FAM222A: variants seen among roughly 807,000 people sequenced by gnomAD.
FAM222A encodes family with sequence similarity 222 member A, also known as protein FAM222A.
Under a neutral mutation model 25.8 loss-of-function variants are expected in FAM222A, and 7 were observed. That is an observed-to-expected ratio of 0.27 (90% confidence interval 0.15 to 0.51). The LOEUF is 0.51. Ranked by LOEUF, FAM222A falls within the 20% of genes least tolerant of loss-of-function variation. FAM222A has a pLI of 0.97. For synonymous variants in FAM222A, 294 were observed against 298.8 expected, an observed-to-expected ratio of 0.98 and a Z score of 0.17; for missense variants, 573 against 640.5, an observed-to-expected ratio of 0.89 and a Z score of 1.14.
At position 109,714,260 on chromosome 12, in the gene FAM222A, C is replaced by T; in HGVS notation, c.-684C>T. The T allele has an allele frequency of 5.3e-6, 1 of 187,432 alleles. No individual in the cohort carries two copies. Among genetic ancestry groups the T allele is most frequent in the Non-Finnish European group, 1.1e-5 (1 of 91,518 alleles). The allele number at this position is 187,432 out of a possible 1,614,324, so 11.6% of individuals were successfully genotyped here. On this transcript the variant is annotated 5_prime_UTR_variant, in exon 1 of 3. Coordinates refer to ENST00000538780, the MANE Select transcript of FAM222A (RefSeq NM_032829.3). This position sits in a 1 kb window ranked among gnomAD's most constrained non-coding sequence, Gnocchi z 4.2. The stretch of plus-strand genomic sequence containing the variant: ...CGCCGGCTTCCCCTCCCCCCACACC[C>T]GGGGCTCAGAGCAGGAGGAGGAGGG...
At chr12:109,761,124 GT>G (rs1888880053) in intron 2 of FAM222A, among the ~76,000 whole-genome samples, 1 of 152,188 alleles carries the variant, frequency 6.6e-6, no homozygotes, top group Non-Finnish European at 1.5e-5. Context: ...GAGAGGGACA[GT>G]GGTGTGCCTC....
At chr12:109,725,477 G>A (rs892051786) in intron 1 of FAM222A, among the ~76,000 whole-genome samples, 2 of 139,608 alleles carry the variant, frequency 1.4e-5, no homozygotes, top group African/African-American at 2.7e-5. Context: ...TTCCCTATGC[G>A]CCTTACCAAC....
intron 2 of FAM222A, among the ~76,000 whole-genome samples, chr12:109,765,631 C>T (rs907327968): frequency 2.0e-5 from 3 of 152,218 alleles, no homozygotes; most frequent in African/African-American, 7.2e-5. Context: ...ACCCCCATGT[C>T]CCGCCACCGC....
intron 1 of FAM222A, among the ~76,000 whole-genome samples, chr12:109,726,119 TAAAAAAAAAAAA>T (rs11464580): frequency 1.8e-5 from 2 of 110,384 alleles, no homozygotes; most frequent in Non-Finnish European, 3.6e-5. Context: ...AAAAAATTGC[TAAAAAAAAAAAA>T]AAAAAAAAAA....
At chr12:109,741,110 G>A (rs1341583381) in intron 1 of FAM222A, among the ~76,000 whole-genome samples, 1 of 152,180 alleles carries the variant, frequency 6.6e-6, no homozygotes, top group African/African-American at 2.4e-5. Context: ...TGACCGTCTT[G>A]GTTGCAGATG....
intron 1 of FAM222A, among the ~76,000 whole-genome samples, chr12:109,736,362 TG>T (rs1411887002): frequency 6.6e-6 from 1 of 152,240 alleles, no homozygotes. Flanking sequence ...ACAAGGACCC[TG>T]GCACTTTGTT....
chr12:109,725,789 C>T (rs919024548), intron 1 of FAM222A, among the ~76,000 whole-genome samples: 5 of 151,980 alleles, frequency 3.3e-5, no homozygotes, highest in African/African-American at 1.2e-4. Context: ...GGAAAAAAGC[C>T]GGCCCGGAAT....
chr12:109,725,188 C>T (rs1887816698), intron 1 of FAM222A, among the ~76,000 whole-genome samples: 1 of 152,176 alleles, frequency 6.6e-6, no homozygotes, highest in Admixed American at 6.5e-5. Flanking sequence ...GGTTACACAG[C>T]AAGAAAATAG....
In FAM222A at chr12:109,768,111, A is replaced by G. The variant is rs1196030795; in HGVS notation, c.182A>G (p.Lys61Arg). 5 of 1,614,028 alleles carry G rather than the reference A, an allele frequency of 3.1e-6. No individual in the cohort carries two copies. The highest frequency in any genetic ancestry group is 4.2e-6 in the Non-Finnish European group (5 of 1,180,022). ...GTGGCCAACAGCCCGCTGTCCATCA[A>G]GATCTTCCCCACCAACATCCGTGTG... Reference protein sequence around the residue: ...EKVANSPLSIKIFPTNIRVPQ... With the variant: ...EKVANSPLSIRIFPTNIRVPQ... Residue 61 changes from lysine to arginine, a missense_variant, in exon 3 of 3, where the codon AAG (lysine) becomes AGG (arginine). This residue lies in a region of FAM222A where 112 missense variants were observed against 154.6 expected (regional missense o/e 0.72). Transcript: ENST00000538780.
intron 2 of FAM222A, among the ~76,000 whole-genome samples, chr12:109,750,348 AT>A (rs540028922): frequency 8.5e-4 from 130 of 152,316 alleles, no homozygotes; most frequent in African/African-American, 3.1e-3. Context: ...TTTTAATGAT[AT>A]GTTTTGATTC....
rs555952937 is a variant in FAM222A, at chr12:109,761,931, C to T, written c.83-6081C>T. On this transcript the variant is annotated intron_variant, in intron 2 of 2. Transcript: ENST00000538780. ...TTGCAGTGCACTCCCACCTCTCCAG[C>T]CTGTCTTCCCCACCCACCCTCACCC... Among the ~76,000 whole-genome samples, 16 of 152,246 alleles carry T rather than the reference C, an allele frequency of 1.1e-4. No homozygotes were observed. In the South Asian group the frequency reaches 3.3e-3, roughly 32 times the overall value.
chr12:109,742,579 C>CCCTCCAT (rs963767929), intron 1 of FAM222A, among the ~76,000 whole-genome samples: 2 of 151,516 alleles, frequency 1.3e-5, no homozygotes, highest in African/African-American at 4.9e-5. Context: ...ACCTCCCCTC[C>CCCTCCAT]CCTCCATCCT....
intron 1 of FAM222A, chr12:109,720,265 A>C (rs1243109059): frequency 4.8e-6 from 4 of 826,488 alleles, no homozygotes; most frequent in Non-Finnish European, 5.8e-6. Flanking sequence ...GGCCGAGACT[A>C]GCTGTGAACA....
intron 1 of FAM222A, among the ~76,000 whole-genome samples, chr12:109,733,907 G>A (rs1051682254): frequency 6.6e-6 from 1 of 152,088 alleles, no homozygotes; most frequent in Non-Finnish European, 1.5e-5. Context: ...GGTCCTTCAA[G>A]GATATTGTTA....
chr12:109,754,523 T>TA (rs958948946), intron 2 of FAM222A, among the ~76,000 whole-genome samples: 13 of 152,374 alleles, frequency 8.5e-5, no homozygotes, highest in African/African-American at 3.1e-4. Flanking sequence ...CAGTTTCTTT[T>TA]GTAATTTATT....
chr12:109,740,273 T>C (rs1450809031), intron 1 of FAM222A, among the ~76,000 whole-genome samples: 1 of 152,178 alleles, frequency 6.6e-6, no homozygotes, highest in Non-Finnish European at 1.5e-5. Flanking sequence ...AGGGGACCTT[T>C]TCCTCGGGTG....
chr12:109,744,156 T>G lies in FAM222A; in HGVS notation c.10T>G (p.Cys4Gly). ...GACCCCCAGCTCAGCCATGCTGGCCTGTCTGCAGAGGACCCAGAACGCCCC... is the reference window on the plus strand; with the variant it reads ...GACCCCCAGCTCAGCCATGCTGGCCGGTCTGCAGAGGACCCAGAACGCCCC... MLA[C>G]LQRTQNAPGQ... Residue 4 changes from cysteine (C) to glycine (G), a missense_variant, in exon 2 of 3, where the codon TGT (cysteine) becomes GGT (glycine). Physicochemically the swap from Cys to Gly is radical, Grantham distance 159 (BLOSUM62 -3). Around this residue, in one of 3 missense-constraint regions of FAM222A, gnomAD observed 112 missense variants for 154.6 expected, o/e 0.72. Transcript: ENST00000538780. 1.9e-6 allele frequency: 3 copies of G among 1,613,256 alleles called. No homozygotes were observed. Among genetic ancestry groups the G allele is most frequent in the Non-Finnish European group, 2.5e-6 (3 of 1,179,952 alleles).
At chr12:109,732,517 A>G (rs1457852001) in intron 1 of FAM222A, among the ~76,000 whole-genome samples, 2 of 152,254 alleles carry the variant, frequency 1.3e-5, no homozygotes, top group East Asian at 1.9e-4. Flanking sequence ...TGTTCTGCAC[A>G]CATCTGATCC....
rs751372086 is a variant in FAM222A at position 109,769,204 on chromosome 12, G to A, written c.1275G>A (p.Met425Ile). The change falls in exon 3 of 3, where the codon ATG becomes ATA. Residue 425 changes from methionine (M) to isoleucine (I), a missense_variant. This residue lies in a region of FAM222A where 49 missense variants were observed against 78.9 expected (regional missense o/e 0.62). Transcript: ENST00000538780. ...DIRPPCIKEQ[M>I]LGKGYETVAV... is the part of the protein sequence containing the mutation. ...GGCCGCCCTGCATCAAGGAGCAGATGCTGGGCAAGGGCTATGAGACGGTGG... is the reference window on the plus strand; with the variant it reads ...GGCCGCCCTGCATCAAGGAGCAGATACTGGGCAAGGGCTATGAGACGGTGG... 4 of 1,612,134 alleles carry A rather than the reference G, an allele frequency of 2.5e-6. No homozygotes were observed. The highest frequency in any genetic ancestry group is 3.3e-5 in the Admixed American group (2 of 59,920).
Sources: allele counts gnomAD v4.1 joint callset (sites outside exome capture counted in the v4.1 genomes callset), GRCh38; gene constraint gnomAD v4.1.1; regional missense constraint gnomAD v4.1.1; non-coding constraint Gnocchi (gnomAD v3.1); transcripts MANE v1.5; gene names NCBI Gene and HGNC (gene_info 2026-07-23, HGNC 2026-07-21).